The following GALNT18 variants were observed in gnomAD, a reference collection of about 807,000 sequenced individuals.
The protein encoded by GALNT18 is GalNAc-transferase 18.
Under a neutral mutation model 69.5 loss-of-function variants are expected in GALNT18, and 44 were observed. The ratio of observed to expected loss-of-function variants is 0.63; its 90% CI spans 0.50 to 0.81. The LOEUF is 0.81. GALNT18 is among the 40% of genes least tolerant of loss of function. The pLI, the probability that GALNT18 is intolerant of heterozygous loss-of-function variation, is 0.00. For missense variants in GALNT18, 715 were observed against 810.0 expected (o/e 0.88, Z 1.42); for synonymous variants, 364 against 318.2 (o/e 1.14, Z -1.53).
intron 1 of GALNT18, among the ~76,000 whole-genome samples, chr11:11,593,155 C>A (rs527882016): frequency 6.6e-6 from 1 of 152,132 alleles, no homozygotes; most frequent in Non-Finnish European, 1.5e-5. Flanking sequence ...CCTCGTGATC[C>A]GCCCGCCTCG....
rs1860170486 is a variant in GALNT18 at position 11,620,678 on chromosome 11, C to A, written c.235+681G>T. 6.6e-6 allele frequency among the ~76,000 whole-genome samples: 1 copy of A among 152,256 alleles called. No individual in the cohort carries two copies. Among genetic ancestry groups the A allele is most frequent in the Non-Finnish European group, 1.5e-5 (1 of 68,012 alleles). ...TCACCACAGTGGACAGAGACTCCAG[C>A]GCTACTTCCCGGCGTTGACACCTGC... is the stretch of plus-strand genomic sequence containing the variant. On this transcript the variant is annotated intron_variant, in intron 1 of 10. Transcript: ENST00000227756. The surrounding 1 kb of genome is among the most constrained non-coding windows in gnomAD (Gnocchi z 6.9).
intron 1 of GALNT18, among the ~76,000 whole-genome samples, chr11:11,588,500 T>G (rs7108321): frequency 0.043 from 6,531 of 152,252 alleles, 455 homozygotes; most frequent in African/African-American, 0.15. Context: ...TAGTCATGAA[T>G]TCTCTCCCTA....
At chr11:11,578,423 A>G (rs1858983451) in intron 1 of GALNT18, among the ~76,000 whole-genome samples, 1 of 152,060 alleles carries the variant, frequency 6.6e-6, no homozygotes, top group African/African-American at 2.4e-5. Context: ...GTAAGAGAAC[A>G]CTGGCCCAAT....
At chr11:11,394,764 C>T (rs1469151455) in intron 3 of GALNT18, among the ~76,000 whole-genome samples, 1 of 152,206 alleles carries the variant, frequency 6.6e-6, no homozygotes, top group African/African-American at 2.4e-5. Flanking sequence ...GTGGTACCGA[C>T]AGGCGGGGTC....
At position 11,340,945 on chromosome 11, in the gene GALNT18, C is replaced by T; in HGVS notation, c.1152G>A (p.Glu384=). The T allele has an allele frequency of 2.5e-6, 4 of 1,613,770 alleles. No homozygotes were observed. The South Asian group carries it at 3.3e-5, about 13-fold the overall frequency. ...VLPCSRIAHI[E]RAHKPYTEDL... is the part of the protein sequence containing the mutation. The stretch of plus-strand genomic sequence containing the variant: ...CCTCTGTGTAGGGCTTGTGGGCTCG[C>T]TCAATGTGGGCAATCCGTGAGCAGG... Residue 384 remains glutamate (E), a synonymous_variant, in exon 7 of 11, where the codon GAG becomes GAA. Coordinates refer to ENST00000227756, the MANE Select transcript of GALNT18 (RefSeq NM_198516.3). The surrounding 1 kb of genome is among the most constrained non-coding windows in gnomAD (Gnocchi z 4.2).
In GALNT18 at chr11:11,592,255, T is replaced by C. The variant is rs1012491712; in HGVS notation, c.235+29104A>G. 2.0e-5 allele frequency among the ~76,000 whole-genome samples: 3 copies of C among 152,120 alleles called. No individual in the cohort carries two copies. The highest frequency in any genetic ancestry group is 7.2e-5 in the African/African-American group (3 of 41,410). On this transcript the variant is annotated intron_variant, in intron 1 of 10. Transcript: ENST00000227756. This position sits in a 1 kb window ranked among gnomAD's most constrained non-coding sequence, Gnocchi z 5.9. ...CTCTAAAGAGACAGAAAAGCTTTAA[T>C]CAATGCCCGGAAGTGAAATGCTAAG...
intron 10 of GALNT18, among the ~76,000 whole-genome samples, chr11:11,286,765 G>A (rs2132994884): frequency 6.6e-6 from 1 of 152,234 alleles, no homozygotes; most frequent in Non-Finnish European, 1.5e-5. Flanking sequence ...GAAGAAGAGA[G>A]GGACACGGGT....
In GALNT18 at chr11:11,415,864, A is replaced by T. The variant is rs1306721747; in HGVS notation, c.595+16757T>A. On this transcript the variant is annotated intron_variant, in intron 3 of 10. Coordinates refer to ENST00000227756, the MANE Select transcript of GALNT18 (RefSeq NM_198516.3). This position sits in a 1 kb window ranked among gnomAD's most constrained non-coding sequence, Gnocchi z 4.1. ...CTCTCCACTGTTGGACTCACATGTC[A>T]TAGGAATATGGAGTACACAGGTCTA... Among the ~76,000 whole-genome samples the T allele has an allele frequency of 6.6e-6, 1 of 152,220 alleles. No individual in the cohort carries two copies. The highest frequency in any genetic ancestry group is 1.5e-5 in the Non-Finnish European group (1 of 68,042).
intron 1 of GALNT18, among the ~76,000 whole-genome samples, chr11:11,566,229 A>G (rs1858648570): frequency 6.6e-6 from 1 of 152,256 alleles, no homozygotes; most frequent in African/African-American, 2.4e-5. Context: ...ACTTTGAGGA[A>G]TATACAGCCT....
At chr11:11,385,468 T>G (rs894246306) in intron 3 of GALNT18, among the ~76,000 whole-genome samples, 1 of 152,098 alleles carries the variant, frequency 6.6e-6, no homozygotes, top group Non-Finnish European at 1.5e-5. Flanking sequence ...GCTAATTTTT[T>G]GTATTTTTAG....
intron 1 of GALNT18, among the ~76,000 whole-genome samples, chr11:11,512,265 C>T (rs1857180501): frequency 6.6e-6 from 1 of 152,192 alleles, no homozygotes; most frequent in African/African-American, 2.4e-5. Flanking sequence ...ACCTCACACA[C>T]AGTGTGGAGA....
rs1357116347 is a variant in GALNT18 at position 11,496,814 on chromosome 11, C to G, written c.236-47878G>C. 6.6e-6 allele frequency among the ~76,000 whole-genome samples: 1 copy of G among 151,750 alleles called. No homozygotes were observed. The highest frequency in any genetic ancestry group is 1.5e-5 in the Non-Finnish European group (1 of 67,964). ...TTTCTGGGTCTCTCCAATGGCCTCC[C>G]ACCTAATCAACCACTTCTACGCCAG... On this transcript the variant is annotated intron_variant, in intron 1 of 10. Transcript: ENST00000227756. The surrounding 1 kb of genome is among the most constrained non-coding windows in gnomAD (Gnocchi z 4.0).
At position 11,340,660 on chromosome 11, in the gene GALNT18, C is replaced by A. The variant is rs1257539590; in HGVS notation, c.1278+159G>T. Among the ~76,000 whole-genome samples the A allele has an allele frequency of 6.6e-6, 1 of 152,256 alleles. No homozygotes were observed. Among genetic ancestry groups the A allele is most frequent in the African/African-American group, 2.4e-5 (1 of 41,546 alleles). On this transcript the variant is annotated intron_variant, in intron 7 of 10. Transcript: ENST00000227756. The surrounding 1 kb of genome is among the most constrained non-coding windows in gnomAD (Gnocchi z 4.2). Reference sequence around the variant, plus strand: ...GAAATGGCTTAGAGCCTCATGGCCCCTTTTCTTCAGCAAATAATATGTTTT... The same window carrying A: ...GAAATGGCTTAGAGCCTCATGGCCCATTTTCTTCAGCAAATAATATGTTTT...
rs1859250291 is a variant in GALNT18, at chr11:11,587,296, G to A, written c.235+34063C>T. 6.6e-6 allele frequency among the ~76,000 whole-genome samples: 1 copy of A among 152,174 alleles called. No homozygotes were observed. Among genetic ancestry groups the A allele is most frequent in the Non-Finnish European group, 1.5e-5 (1 of 68,036 alleles). The stretch of plus-strand genomic sequence containing the variant: ...AAACTTGGAGGCAATTTGAGACTTG[G>A]GCTGAAAGGGGAAGCATTCCACAGA... On this transcript the variant is annotated intron_variant, in intron 1 of 10. Transcript: ENST00000227756. The surrounding 1 kb of genome is among the most constrained non-coding windows in gnomAD (Gnocchi z 4.4).
At chr11:11,438,776 A>C (rs1238236849) in intron 2 of GALNT18, among the ~76,000 whole-genome samples, 1 of 152,196 alleles carries the variant, frequency 6.6e-6, no homozygotes, top group African/African-American at 2.4e-5. Context: ...AGGCTGCCAA[A>C]TCTGCATGAA....
intron 4 of GALNT18, among the ~76,000 whole-genome samples, chr11:11,378,460 C>T (rs1309955127): frequency 1.3e-5 from 2 of 152,262 alleles, no homozygotes; most frequent in Non-Finnish European, 2.9e-5. Context: ...CTGCATCCGC[C>T]ACTCTATTCC....
At chr11:11,292,770 A>G (rs759845476) in intron 10 of GALNT18, among the ~76,000 whole-genome samples, 1 of 151,446 alleles carries the variant, frequency 6.6e-6, no homozygotes, top group Non-Finnish European at 1.5e-5. Context: ...AAATCATTAT[A>G]ATAAAACAAC....
At chr11:11,545,669 C>T (rs558368620) in intron 1 of GALNT18, among the ~76,000 whole-genome samples, 1 of 152,326 alleles carries the variant, frequency 6.6e-6, no homozygotes, top group South Asian at 2.1e-4. Flanking sequence ...AAAGCGTTTT[C>T]CCATCAAAAG....
chr11:11,577,062 G>A (rs7105519), intron 1 of GALNT18, among the ~76,000 whole-genome samples: 58,317 of 151,848 alleles, frequency 0.38, 12,900 homozygotes, highest in East Asian at 0.66. Context: ...TATCTGCAGC[G>A]CTGGCTGGCT....
Sources: gnomAD v4.1 joint callset for allele counts (sites outside exome capture counted in the v4.1 genomes callset) on GRCh38, gnomAD v4.1.1 for gene constraint, Gnocchi (gnomAD v3.1) non-coding constraint, MANE v1.5 for transcripts, NCBI Gene and HGNC (gene_info 2026-07-23, HGNC 2026-07-21) for gene names.